The following CNOT3 variants were observed in gnomAD, a reference collection of about 807,000 sequenced individuals.
CNOT3 encodes the protein CCR4-NOT transcription complex subunit 3.
A neutral mutation model predicts 89.4 loss-of-function variants in CNOT3; 2 were observed. That is an observed-to-expected ratio of 0.02 (90% CI 0.01 to 0.07). The LOEUF is 0.07. Ranked by LOEUF, CNOT3 falls within the 10% of genes least tolerant of loss-of-function variation. The pLI is 1.00. For missense variants in CNOT3, 664 were observed against 1,010.2 expected (o/e 0.66, Z 4.65); for synonymous variants, 486 against 402.0 (o/e 1.21, Z -2.50).
chr19:54,148,289 C>G lies in CNOT3; in HGVS notation c.1036C>G (p.Pro346Ala). Residue 346 changes from proline to alanine, a missense_variant, in exon 11 of 18, where the codon CCC (proline) becomes GCC (alanine). Coordinates refer to ENST00000221232, the MANE Select transcript of CNOT3 (RefSeq NM_014516.4). The surrounding 1 kb of genome is among the most constrained non-coding windows in gnomAD (Gnocchi z 6.3). Reference sequence around the variant, plus strand: ...TCCTGGCAACAATGGGGTCCCCGCCCCCGCAGCACCCCCAAGTGCCCTGGG... The same window carrying G: ...TCCTGGCAACAATGGGGTCCCCGCCGCCGCAGCACCCCCAAGTGCCCTGGG... ...TTPGNNGVPAPAAPPSALGPK... is the reference protein window; with the variant it reads ...TTPGNNGVPAAAAPPSALGPK... The G allele has an allele frequency of 6.2e-7, 1 of 1,608,624 alleles. No individual in the cohort carries two copies. The highest frequency in any genetic ancestry group is 1.1e-5 in the South Asian group (1 of 90,490).
Position 54,144,779 on chromosome 19 carries a change from G to T in CNOT3, c.483+447G>T, listed in dbSNP as rs1379353593. On this transcript the variant is annotated intron_variant, in intron 7 of 17. Transcript: ENST00000221232. This position sits in a 1 kb window ranked among gnomAD's most constrained non-coding sequence, Gnocchi z 4.8. ...AGGCCTGAAGGAAGACAGGAGTCTG[G>T]GACAAAGCTGGATGTTGGGGTCCCA... 2.0e-5 allele frequency among the ~76,000 whole-genome samples: 3 copies of T among 152,152 alleles called. No individual in the cohort carries two copies. The highest frequency in any genetic ancestry group is 4.4e-5 in the Non-Finnish European group (3 of 68,016).
chr19:54,149,620 C>G lies in CNOT3; in HGVS notation c.1467C>G (p.Asn489Lys), dbSNP rs2074940536. The change falls in exon 13 of 18, where the codon AAC becomes AAG. Residue 489 changes from asparagine (N) to lysine (K), a missense_variant. Physicochemically the swap from Asn to Lys is moderately conservative, Grantham distance 94. Around this residue, in one of 8 missense-constraint regions of CNOT3, gnomAD observed 545 missense variants for 566.2 expected, o/e 0.96. Transcript: ENST00000221232. ...GAGGVAPGSG[N>K]NSGGPSLLVP... ...GGGGCGTGGCCCCAGGCTCAGGGAA[C>G]AACTCAGGGGGACCCAGCCTCCTGG... 1 of 1,613,372 alleles carries G rather than the reference C, an allele frequency of 6.2e-7. No homozygotes were observed. The highest frequency in any genetic ancestry group is 8.5e-7 in the Non-Finnish European group (1 of 1,179,574).
Position 54,145,879 on chromosome 19 carries a change from A to T in CNOT3, c.704-31A>T. 1 of 1,612,330 alleles carries T rather than the reference A, an allele frequency of 6.2e-7. No individual in the cohort carries two copies. ...GGGCCCAGAATGGGCTGTGTGAGCC[A>T]GCTAAGCATGCCCTTCTTCTGCCCC... On this transcript the variant is annotated intron_variant, in intron 8 of 17. Coordinates refer to ENST00000221232, the MANE Select transcript of CNOT3 (RefSeq NM_014516.4). This position sits in a 1 kb window ranked among gnomAD's most constrained non-coding sequence, Gnocchi z 5.9.
At chr19:54,153,335 C>G (rs767710793) in intron 16 of CNOT3, 2 of 761,760 alleles carry the variant, frequency 2.6e-6, no homozygotes, top group Non-Finnish European at 2.4e-6. Context: ...TGCTCATTGG[C>G]ACATTCTCAG....
chr19:54,142,008 A>G (rs1270354466), intron 1 of CNOT3: 1 of 152,090 alleles, frequency 6.6e-6, no homozygotes, highest in Non-Finnish European at 1.5e-5. Flanking sequence ...TTCCTTTAAA[A>G]TAAAGACGCT....
chr19:54,146,905 G>A (rs1463848899), intron 10 of CNOT3, among the ~76,000 whole-genome samples: 1 of 152,204 alleles, frequency 6.6e-6, no homozygotes, highest in Non-Finnish European at 1.5e-5. Flanking sequence ...GGAGTGCCCT[G>A]GGCTTCACAG....
Position 54,139,452 on chromosome 19 carries a change from A to C in CNOT3, c.-51+1459A>C, listed in dbSNP as rs1430231947. Among the ~76,000 whole-genome samples the C allele has an allele frequency of 3.3e-5, 5 of 151,970 alleles. No individual in the cohort carries two copies. In the East Asian group the frequency reaches 5.8e-4, roughly 18 times the overall value. Reference sequence around the variant, plus strand: ...CCCATGAGAGTAGGAAGCTTCCTAGACCCGGGTTCCTGTACTGCGAGGTGG... The same window carrying C: ...CCCATGAGAGTAGGAAGCTTCCTAGCCCCGGGTTCCTGTACTGCGAGGTGG... On this transcript the variant is annotated intron_variant, in intron 1 of 17. Transcript: ENST00000221232.
chr19:54,147,804 C>T (rs1345726951), intron 10 of CNOT3, among the ~76,000 whole-genome samples: 11 of 152,210 alleles, frequency 7.2e-5, no homozygotes, highest in African/African-American at 2.7e-4. Flanking sequence ...ATTGAGAACA[C>T]TTAAGTGTTT....
At chr19:54,146,498 G>A in intron 9 of CNOT3, 103 bp from the exon 10 acceptor site, 3 of 755,006 alleles carry the variant, frequency 4.0e-6, no homozygotes, top group Non-Finnish European at 7.4e-6. Flanking sequence ...GGGCCGCAAT[G>A]GCAGTCAATT....
chr19:54,155,624 T>A lies in CNOT3; in HGVS notation c.*217T>A. 7.8e-7 allele frequency: 1 copy of A among 1,288,530 alleles called. No individual in the cohort carries two copies. The highest frequency in any genetic ancestry group is 1.1e-6 in the Non-Finnish European group (1 of 937,462). The allele number at this position is 1,288,530 out of a possible 1,614,324, so 79.8% of individuals were successfully genotyped here. A position where few individuals can be genotyped will look rare whatever the true frequency, so the allele number is the denominator to read the frequency against. ...TCCTCCCCTCCCCAGTGAGGGACAT[T>A]TTTTGGTAAACCTATTTTCATTTTG... On this transcript the variant is annotated 3_prime_UTR_variant, in exon 18 of 18. Transcript: ENST00000221232.
intron 13 of CNOT3, among the ~76,000 whole-genome samples, chr19:54,150,627 C>CGCCCAGGCTGTCCAGGAGGCAGTGTGCGT (rs1568670552): frequency 6.6e-6 from 1 of 151,672 alleles, no homozygotes; most frequent in Non-Finnish European, 1.5e-5. Context: ...GCAGTGTGCG[C>CGCCCAGGCTGTCCAGGAGGCAGTGTGCGT]GCCCAGGCTG....
intron 1 of CNOT3, among the ~76,000 whole-genome samples, chr19:54,139,539 T>TC (rs1384154737): frequency 2.6e-5 from 4 of 151,988 alleles, no homozygotes; most frequent in African/African-American, 4.8e-5. Context: ...TGGTGTCACC[T>TC]CCCCCAGGGA....
At chr19:54,143,829 G>A in intron 5 of CNOT3, 80 bp downstream of exon 5, 1 of 1,519,058 alleles carries the variant, frequency 6.6e-7, no homozygotes, top group Admixed American at 1.8e-5. Context: ...AGGCAGAGCG[G>A]CCAGACCCCA....
At chr19:54,152,132 A>T (rs2075150519) in intron 13 of CNOT3, 94 bp from the exon 14 acceptor site, 4 of 1,386,328 alleles carry the variant, frequency 2.9e-6, no homozygotes, top group East Asian at 2.4e-5. Context: ...CACGGCCCCC[A>T]AACAGGGCAG....
At chr19:54,151,646 C>G (rs1490762179) in intron 13 of CNOT3, among the ~76,000 whole-genome samples, 1 of 152,174 alleles carries the variant, frequency 6.6e-6, no homozygotes, top group Non-Finnish European at 1.5e-5. Flanking sequence ...CTTTGGGGAA[C>G]AGAAGCCTGC....
chr19:54,143,870 C>T (rs930140923), intron 5 of CNOT3, 121 bp downstream of exon 5: 22 of 1,468,886 alleles, frequency 1.5e-5, no homozygotes, highest in Non-Finnish European at 2.0e-5. Flanking sequence ...GGTTTCTGCA[C>T]CTAAGGGAAG....
In CNOT3 at chr19:54,155,451, T is replaced by TC; in HGVS notation, c.*49dup. 4.0e-6 allele frequency: 5 copies of TC among 1,264,062 alleles called. No homozygotes were observed. Among genetic ancestry groups the TC allele is most frequent in the Non-Finnish European group, 5.6e-6 (5 of 892,238 alleles). 78.3% of individuals were successfully genotyped at this position (1,264,062 alleles called of 1,614,324 possible). ...CCCACCCCCTTCCCCCGCATGCTGATCCCCCTGCCCAGGTGAGGGCCCTGC... is the reference window on the plus strand; with the variant it reads ...CCCACCCCCTTCCCCCGCATGCTGATCCCCCCTGCCCAGGTGAGGGCCCTGC... On this transcript the variant is annotated 3_prime_UTR_variant, in exon 18 of 18. Coordinates refer to ENST00000221232, the MANE Select transcript of CNOT3 (RefSeq NM_014516.4).
Position 54,137,777 on chromosome 19 carries a change from C to G in CNOT3, c.-267C>G, listed in dbSNP as rs970245443. 5.9e-5 allele frequency: 9 copies of G among 152,038 alleles called. No homozygotes were observed. The highest frequency in any genetic ancestry group is 9.7e-5 in the African/African-American group (4 of 41,384). 9.4% of individuals were successfully genotyped at this position (152,038 alleles called of 1,614,324 possible). On this transcript the variant is annotated 5_prime_UTR_variant, in exon 1 of 18. Transcript: ENST00000221232. Reference sequence around the variant, plus strand: ...CGCCGCCGCCATCTTGGACCGGGCCCGGTCAGCTTCCGCGGAGCCATCGGC... The same window carrying G: ...CGCCGCCGCCATCTTGGACCGGGCCGGGTCAGCTTCCGCGGAGCCATCGGC...
chr19:54,154,181 C>T, intron 17 of CNOT3: 2 of 485,604 alleles, frequency 4.1e-6, no homozygotes, highest in Non-Finnish European at 8.0e-6. Flanking sequence ...CTGCACCAGG[C>T]TGTGGGCTCT....
Sources: allele counts gnomAD v4.1 joint callset (sites outside exome capture counted in the v4.1 genomes callset), GRCh38; gene constraint gnomAD v4.1.1; regional missense constraint gnomAD v4.1.1; non-coding constraint Gnocchi (gnomAD v3.1); transcripts MANE v1.5; gene names NCBI Gene and HGNC (gene_info 2026-07-23, HGNC 2026-07-21).